The following PAQR9 variants were observed in gnomAD, a reference collection of about 807,000 sequenced individuals.
PAQR9 encodes membrane progestin receptor epsilon.
Under a neutral mutation model 24.0 loss-of-function variants are expected in PAQR9, and 12 were observed. The ratio of observed to expected loss-of-function variants is 0.50; its 90% CI spans 0.32 to 0.81. PAQR9 has a LOEUF of 0.81. PAQR9 is among the 30% of genes least tolerant of loss of function. PAQR9 has a pLI of 0.03. For synonymous variants in PAQR9, 266 were observed against 237.6 expected, an observed-to-expected ratio of 1.12 and a Z score of -1.10; for missense variants, 418 against 520.8, an observed-to-expected ratio of 0.80 and a Z score of 1.92.
In PAQR9 at chr3:142,962,300, A is replaced by G; in HGVS notation, c.1037T>C (p.Phe346Ser). Residue 346 changes from phenylalanine to serine, a missense_variant, in exon 1 of 1, where the codon TTC (phenylalanine) becomes TCC (serine). Transcript: ENST00000340634. ...CAGCATGTAGCCCACAGTACCCGAG[A>G]AAGTGGGTGCGGCAGGCGGCGCCTG... ...FLQAPPAAPTFSGTVGYMLLL... is the reference protein window; with the variant it reads ...FLQAPPAAPTSSGTVGYMLLL... The G allele has an allele frequency of 6.2e-7, 1 of 1,614,166 alleles. No homozygotes were observed. The highest frequency in any genetic ancestry group is 8.5e-7 in the Non-Finnish European group (1 of 1,180,032).
At position 142,958,100 on chromosome 3, in the gene PAQR9, G is replaced by A. The variant is rs1237104935; in HGVS notation, c.*4103C>T. On this transcript the variant is annotated 3_prime_UTR_variant, in exon 1 of 1. Coordinates refer to ENST00000340634, the MANE Select transcript of PAQR9 (RefSeq NM_198504.4). Reference sequence around the variant, plus strand: ...TCAAAGATCATGAAAGGTATGATATGAGTGCATGAATGAACAGCTCAAAGA... The same window carrying A: ...TCAAAGATCATGAAAGGTATGATATAAGTGCATGAATGAACAGCTCAAAGA... Among the ~76,000 whole-genome samples, 1 of 152,208 alleles carries A rather than the reference G, an allele frequency of 6.6e-6. No homozygotes were observed. The highest frequency in any genetic ancestry group is 2.1e-4 in the South Asian group (1 of 4,832).
chr3:142,957,661 T>C lies in PAQR9; in HGVS notation c.*4542A>G, dbSNP rs1158271961. On this transcript the variant is annotated 3_prime_UTR_variant, in exon 1 of 1. Coordinates refer to ENST00000340634, the MANE Select transcript of PAQR9 (RefSeq NM_198504.4). ...GGATGATCCACTCTTCATAATAGTA[T>C]GAATACTATCAATCTTCCAATAGTT... 6.6e-6 allele frequency among the ~76,000 whole-genome samples: 1 copy of C among 152,216 alleles called. No individual in the cohort carries two copies. The highest frequency in any genetic ancestry group is 1.5e-5 in the Non-Finnish European group (1 of 68,042).
Position 142,963,314 on chromosome 3 carries a change from C to T in PAQR9, c.23G>A (p.Arg8Gln). ...CGGAGGGCCTTTTGTGCCCGCGCCC[C>T]GGGGCTGCAGGCGCCGCGGCATGGT... MPRRLQP[R>Q]GAGTKGPPAP... The change falls in exon 1 of 1, where the codon CGG becomes CAG. Residue 8 changes from arginine (R) to glutamine (Q), a missense_variant. Transcript: ENST00000340634. 12 of 1,398,436 alleles carry T rather than the reference C, an allele frequency of 8.6e-6. No individual in the cohort carries two copies. Among genetic ancestry groups the T allele is most frequent in the Middle Eastern group, 2.6e-4 (1 of 3,818 alleles). 86.6% of individuals were successfully genotyped at this position (1,398,436 alleles called of 1,614,324 possible). A position where few individuals can be genotyped will look rare whatever the true frequency, so the allele number is the denominator to read the frequency against.
At chr3:142,952,242 G>T (rs1253147936), downstream of PAQR9, among the ~76,000 whole-genome samples, 1 of 152,136 alleles carries the variant, frequency 6.6e-6, no homozygotes, top group Non-Finnish European at 1.5e-5. Flanking sequence ...GAAGTGGTAA[G>T]ATCAGAGTTG....
chr3:142,951,589 G>A (rs929942139), downstream of PAQR9: 1 of 406,252 alleles, frequency 2.5e-6, no homozygotes, highest in Non-Finnish European at 4.8e-6. Context: ...TTTATTAGTA[G>A]GCATTGGTTG....
chr3:142,951,974 A>C (rs527665108), downstream of PAQR9, among the ~76,000 whole-genome samples: 3 of 147,456 alleles, frequency 2.0e-5, no homozygotes, highest in South Asian at 6.6e-4. Context: ...CAGTGGGTAA[A>C]GGAGTGAGTG....
Position 142,962,931 on chromosome 3 carries a change from T to C in PAQR9, c.406A>G (p.Ser136Gly). 6.2e-7 allele frequency: 1 copy of C among 1,613,890 alleles called. No individual in the cohort carries two copies. Among genetic ancestry groups the C allele is most frequent in the Non-Finnish European group, 8.5e-7 (1 of 1,179,994 alleles). Reference sequence around the variant, plus strand: ...CAGCTGAACACGTGCGCCGTGCAGCTCATGGCGAAGGTCAGCAGCACTCCC... The same window carrying C: ...CAGCTGAACACGTGCGCCGTGCAGCCCATGGCGAAGGTCAGCAGCACTCCC... ...ASGVLLTFAM[S>G]CTAHVFSCLS... Residue 136 changes from serine (S) to glycine (G), a missense_variant, in exon 1 of 1, where the codon AGC (serine) becomes GGC (glycine). Coordinates refer to ENST00000340634, the MANE Select transcript of PAQR9 (RefSeq NM_198504.4).
rs202033675 is a variant in PAQR9 at position 142,962,503 on chromosome 3, G to A, written c.834C>T (p.Tyr278=). 3 of 1,612,736 alleles carry A rather than the reference G, an allele frequency of 1.9e-6. No individual in the cohort carries two copies. The highest frequency in any genetic ancestry group is 2.5e-6 in the Non-Finnish European group (3 of 1,179,238). ...GENPTLFVHF[Y]RRYFWLVVAA... Reference sequence around the variant, plus strand: ...CCACCACCAGCCAGAAGTAGCGGCGGTAGAAGTGCACGAAGAGTGTGGGGT... The same window carrying A: ...CCACCACCAGCCAGAAGTAGCGGCGATAGAAGTGCACGAAGAGTGTGGGGT... Residue 278 remains tyrosine (Y), a synonymous_variant, in exon 1 of 1, where the codon TAC becomes TAT. Coordinates refer to ENST00000340634, the MANE Select transcript of PAQR9 (RefSeq NM_198504.4).
At chr3:142,963,759 G>A (rs913351632), upstream of PAQR9, 13 of 942,808 alleles carry the variant, frequency 1.4e-5, no homozygotes, top group Non-Finnish European at 1.6e-5. Flanking sequence ...CGGAGGGAGG[G>A]ACGGGCGCAC....
rs747789508 is a variant in PAQR9, at chr3:142,962,518, G to A, written c.819C>T (p.Leu273=). Residue 273 remains leucine, a synonymous_variant, in exon 1 of 1, where the codon CTC becomes CTT. Transcript: ENST00000340634. The stretch of plus-strand genomic sequence containing the variant: ...AGTAGCGGCGGTAGAAGTGCACGAA[G>A]AGTGTGGGGTTCTCCCCACGCAGGT... ...LFDLRGENPT[L]FVHFYRRYFW... 3.1e-6 allele frequency: 5 copies of A among 1,613,182 alleles called. No homozygotes were observed. Among genetic ancestry groups the A allele is most frequent in the East Asian group, 2.2e-5 (1 of 44,880 alleles).
rs1471614707 is a variant in PAQR9, at chr3:142,962,217, A to G, written c.1120T>C (p.Cys374Arg). 2 of 1,613,624 alleles carry G rather than the reference A, an allele frequency of 1.2e-6. No individual in the cohort carries two copies. The highest frequency in any genetic ancestry group is 1.7e-6 in the Non-Finnish European group (2 of 1,180,034). Residue 374 changes from cysteine (C) to arginine (R), a missense_variant, in exon 1 of 1, where the codon TGC becomes CGC. This residue lies in a region of PAQR9 where 230 missense variants were observed against 305.2 expected (regional missense o/e 0.75). Transcript: ENST00000340634. ...AAGGCGGAGGCTCACTTTTTACTGC[A>G]GAATTCGGAGCTGTTTAGGAACTTC... ...IRKFLNSSEF[C>R]SKK
At chr3:142,954,055 T>G (rs543371915), downstream of PAQR9, among the ~76,000 whole-genome samples, 393 of 152,310 alleles carry the variant, frequency 2.6e-3, 3 homozygotes, top group Non-Finnish European at 4.3e-3. Flanking sequence ...CTACAAACCT[T>G]TTCTTCCTTC....
At chr3:142,951,114 G>C (rs1395466930), downstream of PAQR9, among the ~76,000 whole-genome samples, 1 of 152,056 alleles carries the variant, frequency 6.6e-6, no homozygotes, top group African/African-American at 2.4e-5. Context: ...ATGGGGTCTT[G>C]CTATGTTGCC....
At position 142,962,506 on chromosome 3, in the gene PAQR9, G is replaced by A. The variant is rs1934919106; in HGVS notation, c.831C>T (p.Phe277=). Reference sequence around the variant, plus strand: ...CCACCAGCCAGAAGTAGCGGCGGTAGAAGTGCACGAAGAGTGTGGGGTTCT... The same window carrying A: ...CCACCAGCCAGAAGTAGCGGCGGTAAAAGTGCACGAAGAGTGTGGGGTTCT... ...RGENPTLFVH[F]YRRYFWLVVA... is the part of the protein sequence containing the mutation. The change falls in exon 1 of 1, where the codon TTC becomes TTT. Residue 277 remains phenylalanine (F), a synonymous_variant. Transcript: ENST00000340634. 6.8e-6 allele frequency: 11 copies of A among 1,612,504 alleles called. No homozygotes were observed. The highest frequency in any genetic ancestry group is 1.3e-5 in the African/African-American group (1 of 74,948).
downstream of PAQR9, among the ~76,000 whole-genome samples, chr3:142,952,056 G>T (rs1025072940): frequency 2.0e-5 from 3 of 148,108 alleles, no homozygotes; most frequent in Non-Finnish European, 3.0e-5. Flanking sequence ...AAGGGGGGGG[G>T]GTGTTGTTAG....
Position 142,961,897 on chromosome 3 carries a change from T to G in PAQR9, c.*306A>C. Reference sequence around the variant, plus strand: ...TTGGAAAAGCAAACTCTTTGGGGCTTTATTTGGGATTTTACTCACTGCCTT... The same window carrying G: ...TTGGAAAAGCAAACTCTTTGGGGCTGTATTTGGGATTTTACTCACTGCCTT... On this transcript the variant is annotated 3_prime_UTR_variant, in exon 1 of 1. Transcript: ENST00000340634. 8.3e-6 allele frequency: 3 copies of G among 360,838 alleles called. No individual in the cohort carries two copies. Among genetic ancestry groups the G allele is most frequent in the African/African-American group, 2.1e-5 (1 of 47,156 alleles). 22.4% of individuals were successfully genotyped at this position (360,838 alleles called of 1,614,324 possible). A position where few individuals can be genotyped will look rare whatever the true frequency, so the allele number is the denominator to read the frequency against.
chr3:142,949,651 G>C (rs1426105528), downstream of PAQR9: 2 of 152,140 alleles, frequency 1.3e-5, no homozygotes, highest in Non-Finnish European at 2.9e-5. Context: ...AATTTTTTCA[G>C]CTCTTAAGAA....
In PAQR9 at chr3:142,962,476, G is replaced by A. The variant is rs767482927; in HGVS notation, c.861C>T (p.Ala287=). ...FYRRYFWLVV[A]AFFNVSKIPE... ...GGATCTTGCTCACGTTGAAGAAGGC[G>A]GCCACCACCAGCCAGAAGTAGCGGC... Residue 287 remains alanine (A), a synonymous_variant, in exon 1 of 1, where the codon GCC becomes GCT. Transcript: ENST00000340634. 6.2e-7 allele frequency: 1 copy of A among 1,613,358 alleles called. No homozygotes were observed. Among genetic ancestry groups the A allele is most frequent in the African/African-American group, 1.3e-5 (1 of 75,056 alleles).
rs1023176018 is a variant in PAQR9 at position 142,956,053 on chromosome 3, T to C, written c.*6150A>G. Among the ~76,000 whole-genome samples, 5 of 152,224 alleles carry C rather than the reference T, an allele frequency of 3.3e-5. No homozygotes were observed. The highest frequency in any genetic ancestry group is 1.2e-4 in the African/African-American group (5 of 41,468). ...GCTAAGGCCTGTTTTTACAAACAAA[T>C]GTCTATTAGAAACTTTACAAATATA... On this transcript the variant is annotated 3_prime_UTR_variant, in exon 1 of 1. Coordinates refer to ENST00000340634, the MANE Select transcript of PAQR9 (RefSeq NM_198504.4).
Sources: gnomAD v4.1 joint callset for allele counts (sites outside exome capture counted in the v4.1 genomes callset) on GRCh38, gnomAD v4.1.1 for gene constraint, gnomAD v4.1.1 regional missense constraint, MANE v1.5 for transcripts, NCBI Gene and HGNC (gene_info 2026-07-23, HGNC 2026-07-21) for gene names.